ZPBP: variants seen among roughly 807,000 people sequenced by gnomAD.
ZPBP encodes the protein zona pellucida binding protein.
A neutral mutation model predicts 44.8 loss-of-function variants in ZPBP; 26 were observed. That is an observed-to-expected ratio of 0.58 (90% CI 0.43 to 0.81). The LOEUF is 0.81. Among genes scored for constraint, ZPBP ranks in the 30% least tolerant of loss-of-function variants. ZPBP has a pLI of 0.00. For missense variants in ZPBP, 409 were observed against 434.0 expected, an observed-to-expected ratio of 0.94 and a Z score of 0.51; for synonymous variants, 174 against 153.2, an observed-to-expected ratio of 1.14 and a Z score of -1.00.
At chr7:49,950,328 T>C (rs1045598369) in intron 7 of ZPBP, among the ~76,000 whole-genome samples, 1 of 151,884 alleles carries the variant, frequency 6.6e-6, no homozygotes, top group Non-Finnish European at 1.5e-5. Flanking sequence ...TATTTAAAAA[T>C]CCAGCTGTAT....
chr7:49,994,286 C>T (rs1797707478), intron 6 of ZPBP, among the ~76,000 whole-genome samples: 3 of 152,166 alleles, frequency 2.0e-5, no homozygotes, highest in Admixed American at 2.0e-4. Context: ...TGTTGAGAAC[C>T]ATCTGTAAAC....
chr7:49,900,652 T>C (rs1792673199), intron 2 of ZPBP, among the ~76,000 whole-genome samples: 2 of 151,730 alleles, frequency 1.3e-5, no homozygotes, highest in South Asian at 4.1e-4. Context: ...AAAAGAGATA[T>C]AATCAATAAT....
At chr7:49,920,381 AC>A (rs1793965358) in intron 1 of ZPBP, 1 of 152,226 alleles carries the variant, frequency 6.6e-6, no homozygotes, top group Non-Finnish European at 1.5e-5. Flanking sequence ...ATGCATCTAT[AC>A]AAATGGTTAA....
At chr7:49,974,372 T>C (rs914441369) in intron 7 of ZPBP, among the ~76,000 whole-genome samples, 15 of 152,190 alleles carry the variant, frequency 9.9e-5, no homozygotes, top group Middle Eastern at 3.4e-3. Context: ...GCAGGATAAT[T>C]AAAAGGCAGG....
At chr7:50,078,263 AG>A (rs35179967) in intron 3 of ZPBP, among the ~76,000 whole-genome samples, 1 of 151,606 alleles carries the variant, frequency 6.6e-6, no homozygotes, top group Admixed American at 6.6e-5. Context: ...GGGGAGTTTT[AG>A]GGGGAAGTGG....
In ZPBP at chr7:50,018,297, T is replaced by A; in HGVS notation, c.726A>T (p.Glu242Asp). 6.2e-7 allele frequency: 1 copy of A among 1,609,558 alleles called. No homozygotes were observed. Among genetic ancestry groups the A allele is most frequent in the Non-Finnish European group, 8.5e-7 (1 of 1,178,068 alleles). ...GGTCTGTACATCGCTTGGGTCCTTT[T>A]TCAGTGTCTAGAGATGAAACTGAGA... Reference protein sequence around the residue: ...FAFSVSSLDTEKGPKRCTDHN... With the variant: ...FAFSVSSLDTDKGPKRCTDHN... Residue 242 changes from glutamate (E) to aspartate (D), a missense_variant, in exon 6 of 8, where the codon GAA becomes GAT. Glu to Asp is a conservative substitution (Grantham distance 45). Coordinates refer to ENST00000046087, the MANE Select transcript of ZPBP (RefSeq NM_007009.3).
At chr7:49,908,340 G>A (rs1793218197) in intron 1 of ZPBP, among the ~76,000 whole-genome samples, 1 of 152,060 alleles carries the variant, frequency 6.6e-6, no homozygotes, top group Non-Finnish European at 1.5e-5. Flanking sequence ...CACAAGGAGG[G>A]GTCCATTCAA....
intron 7 of ZPBP, chr7:49,944,052 T>G (rs929232566): frequency 4.0e-6 from 1 of 251,304 alleles, no homozygotes; most frequent in Non-Finnish European, 8.1e-6. Flanking sequence ...CGTGCACCTT[T>G]GAGTTGAGGC....
chr7:49,845,375 A>C, the ZPBP span, among the ~76,000 whole-genome samples: 689 of 152,328 alleles, frequency 4.5e-3, 3 homozygotes, highest in African/African-American at 0.016. Flanking sequence ...TTTCTATAGA[A>C]ACTTAGATTT....
At chr7:50,022,902 T>C (rs1799159756) in intron 5 of ZPBP, among the ~76,000 whole-genome samples, 1 of 152,034 alleles carries the variant, frequency 6.6e-6, no homozygotes, top group East Asian at 1.9e-4. Context: ...AAAACTGCAA[T>C]GAGGAGTATT....
chr7:50,023,495 C>A (rs115388590), intron 5 of ZPBP, among the ~76,000 whole-genome samples: 2 of 151,836 alleles, frequency 1.3e-5, no homozygotes, highest in African/African-American at 4.8e-5. Context: ...AAACAAAGCC[C>A]AAATCCCAGA....
intron 7 of ZPBP, among the ~76,000 whole-genome samples, chr7:49,981,683 AATAAT>A (rs1796976403): frequency 4.7e-5 from 2 of 42,176 alleles, no homozygotes; most frequent in East Asian, 8.2e-4. Flanking sequence ...TATTATATAT[AATAAT>A]ATATATAATT....
intron 4 of ZPBP, among the ~76,000 whole-genome samples, chr7:50,057,437 T>C (rs188296964): frequency 2.0e-4 from 30 of 152,198 alleles, no homozygotes; most frequent in African/African-American, 7.0e-4. Flanking sequence ...GCCTCTGACC[T>C]AACTCGGCCA....
At chr7:49,959,792 T>C (rs1052166403) in intron 7 of ZPBP, among the ~76,000 whole-genome samples, 3 of 152,096 alleles carry the variant, frequency 2.0e-5, no homozygotes, top group Admixed American at 2.0e-4. Context: ...AAAAAAGCAA[T>C]CTTTAAAATA....
chr7:49,870,348 G>A lies in ZPBP; in HGVS notation n.510-19834C>T, dbSNP rs375449852. 4.3e-4 allele frequency among the ~76,000 whole-genome samples: 65 copies of A among 152,210 alleles called. No homozygotes were observed. The East Asian group carries it at 7.0e-3, about 16-fold the overall frequency. ...CCAGGAGGTGGAGCTTGCAGTGAGC[G>A]AAGATTGCGCCACTGCACTCCACCC... is the stretch of plus-strand genomic sequence containing the variant. On this transcript the variant is annotated intron_variant and non_coding_transcript_variant, in intron 2 of 2. Coordinates refer to the ZPBP transcript ENST00000465922.
intron 7 of ZPBP, among the ~76,000 whole-genome samples, chr7:49,974,498 G>A (rs956074629): frequency 4.4e-4 from 67 of 151,812 alleles, no homozygotes; most frequent in African/African-American, 1.3e-3. Context: ...TTTGGATAAC[G>A]AACAACATAA....
At chr7:50,082,393 T>C (rs1302899398) in intron 2 of ZPBP, among the ~76,000 whole-genome samples, 2 of 151,964 alleles carry the variant, frequency 1.3e-5, no homozygotes, top group Non-Finnish European at 2.9e-5. Context: ...TATGCTTTTA[T>C]TGATTTTAAA....
At chr7:49,889,843 C>T (rs891492341) in intron 2 of ZPBP, among the ~76,000 whole-genome samples, 3 of 152,086 alleles carry the variant, frequency 2.0e-5, no homozygotes, top group Non-Finnish European at 2.9e-5. Flanking sequence ...CCCAGTATGC[C>T]GTCATTCACG....
intron 1 of ZPBP, among the ~76,000 whole-genome samples, chr7:49,905,234 T>C (rs1208789619): frequency 6.6e-6 from 1 of 152,140 alleles, no homozygotes; most frequent in Non-Finnish European, 1.5e-5. Context: ...TTCTATGATG[T>C]ATTAGGAAAA....
Sources: allele counts gnomAD v4.1 joint callset (sites outside exome capture counted in the v4.1 genomes callset), GRCh38; gene constraint gnomAD v4.1.1; transcripts MANE v1.5; gene names NCBI Gene and HGNC (gene_info 2026-07-23, HGNC 2026-07-21).